BOD1L1: variants seen among roughly 807,000 people sequenced by gnomAD.
BOD1L1 encodes the protein biorientation of chromosomes in cell division 1 like 1, also known as biorientation of chromosomes in cell division protein 1-like 1.
BOD1L1 carries 86 observed loss-of-function variants against 240.7 expected under a neutral mutation model. That is an observed-to-expected ratio of 0.36 (90% CI 0.30 to 0.43). The LOEUF (loss-of-function observed/expected upper bound fraction) is 0.43. Among genes scored for constraint, BOD1L1 ranks in the 20% least tolerant of loss-of-function variants. The pLI is 1.00. For missense variants in BOD1L1, 3,554 were observed against 3,643.5 expected (o/e 0.98, Z 0.63); for synonymous variants, 1,268 against 1,272.3 (o/e 1.00, Z 0.07).
Position 13,604,007 on chromosome 4 carries a change from A to T in BOD1L1, c.2893T>A (p.Phe965Ile). ...QRKSKVEDKP[F>I]EETGVEPVLE... Reference sequence around the variant, plus strand: ...ACAGGTTCAACACCAGTTTCTTCAAAAGGTTTGTCTTCAACTTTAGACTTA... The same window carrying T: ...ACAGGTTCAACACCAGTTTCTTCAATAGGTTTGTCTTCAACTTTAGACTTA... Residue 965 changes from phenylalanine to isoleucine, a missense_variant, in exon 10 of 26, where the codon TTT becomes ATT. Transcript: ENST00000040738. 2 of 1,613,886 alleles carry T rather than the reference A, an allele frequency of 1.2e-6. No homozygotes were observed. Among genetic ancestry groups the T allele is most frequent in the Non-Finnish European group, 1.7e-6 (2 of 1,179,856 alleles).
rs1365036052 is a variant in BOD1L1, at chr4:13,603,601, G to A, written c.3299C>T (p.Ser1100Phe). The A allele has an allele frequency of 1.9e-6, 3 of 1,613,782 alleles. No individual in the cohort carries two copies. The highest frequency in any genetic ancestry group is 2.7e-5 in the African/African-American group (2 of 74,898). The change falls in exon 10 of 26, where the codon TCC becomes TTC. Residue 1100 changes from serine to phenylalanine, a missense_variant. By Grantham distance (155) the Ser-to-Phe change is radical. Coordinates refer to ENST00000040738, the MANE Select transcript of BOD1L1 (RefSeq NM_148894.3). ...AANTLSTPSG[S>F]SLQRPKKSGD... is the part of the protein sequence containing the mutation. ...ACTCTTTTTTGGTCTCTGAAGGGAG[G>A]AACCGCTGGGAGTGCTCAAAGTGTT...
chr4:13,568,949 T>C lies in BOD1L1; in HGVS notation c.*1062A>G, dbSNP rs955657509. The C allele has an allele frequency of 6.6e-6, 1 of 152,062 alleles. No homozygotes were observed. Among genetic ancestry groups the C allele is most frequent in the Non-Finnish European group, 1.5e-5 (1 of 68,014 alleles). 9.4% of individuals were successfully genotyped at this position (152,062 alleles called of 1,614,324 possible). On this transcript the variant is annotated 3_prime_UTR_variant, in exon 26 of 26. Transcript: ENST00000040738. ...TCATCACATCATTGCAAGAGACAAA[T>C]TTGATCGTAAGAAGTTTAATCTTAT...
intron 1 of BOD1L1, among the ~76,000 whole-genome samples, chr4:13,626,942 T>G (rs926880850): frequency 6.6e-6 from 1 of 152,196 alleles, no homozygotes; most frequent in Admixed American, 6.5e-5. Context: ...CAATTACCAT[T>G]TAGTCATTTC....
chr4:13,609,317 CTT>C lies in BOD1L1; in HGVS notation c.1579_1580del (p.Lys527ValfsTer11), dbSNP rs1301620743. ...EKRKQKAEKT[K>X]SSKTKGQGRS... ...TACCTTGACCCTTGGTTTTTGAAGA[CTT>C]TGTCTTTTCTGCTTTCTGTTTTCGT... On this transcript the variant is annotated frameshift_variant, in exon 7 of 26. Coordinates refer to ENST00000040738, the MANE Select transcript of BOD1L1 (RefSeq NM_148894.3). LOFTEE classifies it high-confidence loss of function. 1 of 1,549,828 alleles carries C rather than the reference CTT, an allele frequency of 6.5e-7. No homozygotes were observed.
At chr4:13,576,517 C>T (rs1712759072) in intron 25 of BOD1L1, among the ~76,000 whole-genome samples, 1 of 152,058 alleles carries the variant, frequency 6.6e-6, no homozygotes, top group South Asian at 2.1e-4. Flanking sequence ...TTATGTATGT[C>T]CATATTCATG....
rs546818046 is a variant in BOD1L1, at chr4:13,606,430, T to C, written c.1815+687A>G. 4.6e-5 allele frequency among the ~76,000 whole-genome samples: 7 copies of C among 151,606 alleles called. No homozygotes were observed. The East Asian group carries it at 1.2e-3, about 25-fold the overall frequency. On this transcript the variant is annotated intron_variant, in intron 9 of 25. Transcript: ENST00000040738. ...CTTTTTCCCTCTGGAAATATTAAGA[T>C]AGTTTAGCTACAGAACTACAGATAA...
At chr4:13,582,360 T>G (rs776948890) in intron 18 of BOD1L1, 50 bp from the exon 19 acceptor site, 1 of 1,451,064 alleles carries the variant, frequency 6.9e-7, no homozygotes, top group Non-Finnish European at 9.6e-7. Context: ...TGGTCAGCCT[T>G]CCCCACCTTT....
chr4:13,613,521 T>G lies in BOD1L1; in HGVS notation c.1315A>C (p.Thr439Pro). The change falls in exon 5 of 26, where the codon ACG (threonine) becomes CCG (proline). Residue 439 changes from threonine (T) to proline (P), a missense_variant. This residue lies in a region of BOD1L1 where 3,393 missense variants were observed against 3,427.1 expected (regional missense o/e 0.99). Transcript: ENST00000040738. The surrounding 1 kb of genome is among the most constrained non-coding windows in gnomAD (Gnocchi z 4.0). ...ATGTAAAATGCTTTACCATCTGACGTAATCTCTCCTTCTTCCATGCTATCA... is the reference window on the plus strand; with the variant it reads ...ATGTAAAATGCTTTACCATCTGACGGAATCTCTCCTTCTTCCATGCTATCA... ...TSDSMEEGEI[T>P]SDDEEKNKQN... 6.2e-7 allele frequency: 1 copy of G among 1,611,168 alleles called. No homozygotes were observed. The highest frequency in any genetic ancestry group is 8.5e-7 in the Non-Finnish European group (1 of 1,178,286).
chr4:13,587,737 T>C lies in BOD1L1; in HGVS notation c.8315A>G (p.Lys2772Arg). 6.4e-7 allele frequency: 1 copy of C among 1,560,484 alleles called. No individual in the cohort carries two copies. The highest frequency in any genetic ancestry group is 8.7e-7 in the Non-Finnish European group (1 of 1,149,860). The change falls in exon 16 of 26, where the codon AAA becomes AGA. Residue 2772 changes from lysine to arginine, a missense_variant. Around this residue, in one of 2 missense-constraint regions of BOD1L1, gnomAD observed 3,393 missense variants for 3,427.1 expected, o/e 0.99. Transcript: ENST00000040738. Reference sequence around the variant, plus strand: ...TGAAGAGAGATAATGCTGCTTTCTTTTTCTTTTAGGCATATGCCTTTCTTC... The same window carrying C: ...TGAAGAGAGATAATGCTGCTTTCTTCTTCTTTTAGGCATATGCCTTTCTTC... ...EEEERHMPKR[K>R]RKQHYLSSED... is the part of the protein sequence containing the mutation.
In BOD1L1 at chr4:13,570,096, C is replaced by A; in HGVS notation, c.9071G>T (p.Arg3024Leu). The change falls in exon 26 of 26, where the codon CGC becomes CTC. Residue 3024 changes from arginine to leucine, a missense_variant. This residue lies in a region of BOD1L1 where 3,393 missense variants were observed against 3,427.1 expected (regional missense o/e 0.99). Transcript: ENST00000040738. ...CCCAGGAGGGCTGACTTCTCTCTTGCGCTTGATAGAAGGGGAGAGCTGTGT... is the reference window on the plus strand; with the variant it reads ...CCCAGGAGGGCTGACTTCTCTCTTGAGCTTGATAGAAGGGGAGAGCTGTGT... ...SKTQLSPSIK[R>L]KREVSPPGAR... The A allele has an allele frequency of 6.2e-7, 1 of 1,603,710 alleles. No homozygotes were observed. The highest frequency in any genetic ancestry group is 8.5e-7 in the Non-Finnish European group (1 of 1,175,830).
At position 13,601,414 on chromosome 4, in the gene BOD1L1, G is replaced by A. The variant is rs142750352; in HGVS notation, c.5486C>T (p.Ala1829Val). ...SSESEENGES[A>V]MDSTVAKEGT... The stretch of plus-strand genomic sequence containing the variant: ...TTCTTTGGCCACTGTGCTGTCCATT[G>A]CACTCTCTCCATTTTCTTCCGATTC... Residue 1829 changes from alanine to valine, a missense_variant, in exon 10 of 26, where the codon GCA becomes GTA. Coordinates refer to ENST00000040738, the MANE Select transcript of BOD1L1 (RefSeq NM_148894.3). 452 of 1,614,026 alleles carry A rather than the reference G, an allele frequency of 2.8e-4. 2 individuals are homozygous for A. In the African/African-American group the frequency reaches 4.7e-3, roughly 17 times the overall value.
rs1406862204 is a variant in BOD1L1 at position 13,611,068 on chromosome 4, T to A, written c.1357A>T (p.Thr453Ser). ...EEKNKQNKTK[T>S]QTSDSSEGKT... ...CCTTCACTAGAATCACTAGTTTGAG[T>A]TTTTGTTTTATTCTGTTTGTTCTTC... Residue 453 changes from threonine to serine, a missense_variant, in exon 6 of 26, where the codon ACT becomes TCT. Coordinates refer to ENST00000040738, the MANE Select transcript of BOD1L1 (RefSeq NM_148894.3). The A allele has an allele frequency of 6.2e-7, 1 of 1,610,326 alleles. No individual in the cohort carries two copies. The highest frequency in any genetic ancestry group is 1.7e-5 in the Admixed American group (1 of 59,602).
At chr4:13,588,844 C>A in intron 14 of BOD1L1, 52 bp from the exon 15 acceptor site, 2 of 1,324,740 alleles carry the variant, frequency 1.5e-6, no homozygotes, top group Non-Finnish European at 2.1e-6. Context: ...TTTTATATTC[C>A]AATACTTACT....
Position 13,600,109 on chromosome 4 carries a change from C to G in BOD1L1, c.6791G>C (p.Cys2264Ser), listed in dbSNP as rs760195118. The G allele has an allele frequency of 1.2e-6, 2 of 1,613,938 alleles. No homozygotes were observed. The highest frequency in any genetic ancestry group is 1.7e-6 in the Non-Finnish European group (2 of 1,179,882). ...GIISTSSVED[C>S]EGPVSSAVPQ... ...GACAGCACTGGACACTGGGCCCTCA[C>G]AGTCTTCCACCGAGCTCGTAGAGAT... Residue 2264 changes from cysteine (C) to serine (S), a missense_variant, in exon 10 of 26, where the codon TGT (cysteine) becomes TCT (serine). This residue lies in a region of BOD1L1 where 3,393 missense variants were observed against 3,427.1 expected (regional missense o/e 0.99). Coordinates refer to ENST00000040738, the MANE Select transcript of BOD1L1 (RefSeq NM_148894.3).
At chr4:13,588,934 G>C in intron 14 of BOD1L1, 142 bp from the exon 15 acceptor site, 1 of 526,162 alleles carries the variant, frequency 1.9e-6, no homozygotes, top group Non-Finnish European at 3.3e-6. Flanking sequence ...CATTGTGGTA[G>C]ATAGTCACAA....
At position 13,600,671 on chromosome 4, in the gene BOD1L1, T is replaced by A; in HGVS notation, c.6229A>T (p.Thr2077Ser). Residue 2077 changes from threonine to serine, a missense_variant, in exon 10 of 26, where the codon ACC becomes TCC. Physicochemically the swap from Thr to Ser is moderately conservative, Grantham distance 58 (BLOSUM62 1). Coordinates refer to ENST00000040738, the MANE Select transcript of BOD1L1 (RefSeq NM_148894.3). ...ACCTGAGGGGTGTAATCATTTGTGG[T>A]ACTGGTGGAAATAATCAAAACTTTG... ...QGKVLIISTSTTNDYTPQVSA... is the reference protein window; with the variant it reads ...QGKVLIISTSSTNDYTPQVSA... 6.2e-7 allele frequency: 1 copy of A among 1,614,008 alleles called. No individual in the cohort carries two copies. The highest frequency in any genetic ancestry group is 8.5e-7 in the Non-Finnish European group (1 of 1,179,888).
chr4:13,578,338 C>G (rs1157410974), intron 22 of BOD1L1: 3 of 152,168 alleles, frequency 2.0e-5, no homozygotes, highest in African/African-American at 4.8e-5. Context: ...CGGAGCATCC[C>G]TAATCTGATG....
In BOD1L1 at chr4:13,602,070, A is replaced by C. The variant is rs781682897; in HGVS notation, c.4830T>G (p.Thr1610=). The change falls in exon 10 of 26, where the codon ACT becomes ACG. Residue 1610 remains threonine (T), a synonymous_variant. Transcript: ENST00000040738. ...CACACTCCCCACTTTCCCCTTCCTT[A>C]GTGCTTGTGAGGAAGGTTTCACTTT... ...FAESETFLTS[T]KEGESGECAV... is the part of the protein sequence containing the mutation. 1 of 1,613,784 alleles carries C rather than the reference A, an allele frequency of 6.2e-7. No homozygotes were observed. Among genetic ancestry groups the C allele is most frequent in the African/African-American group, 1.3e-5 (1 of 74,886 alleles).
intron 2 of BOD1L1, among the ~76,000 whole-genome samples, chr4:13,617,311 A>AT (rs1209607068): frequency 2.0e-5 from 3 of 152,072 alleles, no homozygotes; most frequent in Non-Finnish European, 4.4e-5. Flanking sequence ...CCACTCCCAA[A>AT]TTTTTGCTTC....
Sources: allele counts gnomAD v4.1 joint callset (sites outside exome capture counted in the v4.1 genomes callset), GRCh38; gene constraint gnomAD v4.1.1; regional missense constraint gnomAD v4.1.1; non-coding constraint Gnocchi (gnomAD v3.1); transcripts MANE v1.5; gene names NCBI Gene and HGNC (gene_info 2026-07-23, HGNC 2026-07-21).